Variants in FBXO10 observed in about 807,000 individuals in gnomAD.
The protein encoded by FBXO10 is F-box only protein 10.
A neutral mutation model predicts 80.7 loss-of-function variants in FBXO10; 39 were observed. The ratio of observed to expected loss-of-function variants is 0.48; its 90% CI spans 0.37 to 0.63. The LOEUF is 0.63. Among genes scored for constraint, FBXO10 ranks in the 30% least tolerant of loss-of-function variants. FBXO10 has a pLI of 0.00. For synonymous variants in FBXO10, 449 were observed against 489.6 expected (o/e 0.92, Z 1.09); for missense variants, 1,025 against 1,269.0 (o/e 0.81, Z 2.92).
intron 1 of FBXO10, among the ~76,000 whole-genome samples, chr9:37,553,441 T>C (rs1209130500): frequency 6.6e-6 from 1 of 152,182 alleles, no homozygotes; most frequent in Non-Finnish European, 1.5e-5. Flanking sequence ...AATTAAGCTA[T>C]CTTTGGCCCC....
chr9:37,551,460 C>T (rs1822196863), intron 1 of FBXO10, among the ~76,000 whole-genome samples: 1 of 152,246 alleles, frequency 6.6e-6, no homozygotes, highest in Non-Finnish European at 1.5e-5. Flanking sequence ...CTCCACAGCT[C>T]TTGTACTCTG....
At chr9:37,533,351 G>C (rs553023142) in intron 3 of FBXO10, among the ~76,000 whole-genome samples, 1 of 151,998 alleles carries the variant, frequency 6.6e-6, no homozygotes, top group East Asian at 1.9e-4. Context: ...TTTGAGACCA[G>C]CCTGGCCAAC....
chr9:37,531,925 G>A lies in FBXO10; in HGVS notation c.1553C>T (p.Ser518Phe). Residue 518 changes from serine (S) to phenylalanine (F), a missense_variant, in exon 4 of 11, where the codon TCC (serine) becomes TTC (phenylalanine). Physicochemically the swap from Ser to Phe is radical, Grantham distance 155. Around this residue, in one of 3 missense-constraint regions of FBXO10, gnomAD observed 478 missense variants for 667.8 expected, o/e 0.72. Coordinates refer to ENST00000432825, the MANE Select transcript of FBXO10 (RefSeq NM_012166.3). ...ACAAAGTACCAGTATGAGTGGGTTGGACTTTTTCCGGATGTCTACACCAGC... is the reference window on the plus strand; with the variant it reads ...ACAAAGTACCAGTATGAGTGGGTTGAACTTTTTCCGGATGTCTACACCAGC... ...AEAGVDIRKK[S>F]NPLILCNQIH... 6.2e-7 allele frequency: 1 copy of A among 1,613,856 alleles called. No individual in the cohort carries two copies. Among genetic ancestry groups the A allele is most frequent in the Non-Finnish European group, 8.5e-7 (1 of 1,179,806 alleles).
rs564742179 is a variant in FBXO10 at position 37,518,409 on chromosome 9, C to T, written c.2230G>A (p.Ala744Thr). The change falls in exon 9 of 11, where the codon GCA becomes ACA. Residue 744 changes from alanine (A) to threonine (T), a missense_variant. Physicochemically the swap from Ala to Thr is moderately conservative, Grantham distance 58. This residue lies in a region of FBXO10 where 478 missense variants were observed against 667.8 expected (regional missense o/e 0.72). Transcript: ENST00000432825. ...ASGLYVQSSE[A>T]LHVITNVIHA... ...ATCACATTGGTGATGACATGCAGTG[C>T]CTCGCTGCTCTGGACATAGAGTCCT... 3.7e-6 allele frequency: 6 copies of T among 1,608,710 alleles called. No homozygotes were observed. The East Asian group carries it at 1.3e-4, about 36-fold the overall frequency.
chr9:37,537,048 A>T (rs754025112), intron 3 of FBXO10, 62 bp downstream of exon 3: 1 of 1,326,196 alleles, frequency 7.5e-7, no homozygotes, highest in African/African-American at 1.5e-5. Context: ...AAATAGCCCC[A>T]TCAAACCCTT....
At chr9:37,561,392 G>C in intron 1 of FBXO10, among the ~76,000 whole-genome samples, 1 of 152,028 alleles carries the variant, frequency 6.6e-6, no homozygotes, top group East Asian at 1.9e-4. Context: ...CAGAGTTTCT[G>C]TGTAGCACTC....
At chr9:37,572,215 T>TA (rs1822777504) in intron 1 of FBXO10, among the ~76,000 whole-genome samples, 1 of 151,856 alleles carries the variant, frequency 6.6e-6, no homozygotes, top group Admixed American at 6.6e-5. Context: ...CACATGAAAA[T>TA]AGTTAAAATA....
intron 1 of FBXO10, among the ~76,000 whole-genome samples, chr9:37,571,320 A>T (rs970181835): frequency 1.1e-4 from 16 of 152,144 alleles, no homozygotes; most frequent in South Asian, 2.1e-4. Flanking sequence ...TCTTCCTCTT[A>T]TAAGTTTTCC....
intron 1 of FBXO10, among the ~76,000 whole-genome samples, chr9:37,548,138 G>A (rs1816570995): frequency 6.6e-6 from 1 of 152,184 alleles, no homozygotes; most frequent in Non-Finnish European, 1.5e-5. Flanking sequence ...TAATCCCAGT[G>A]CTTTGGGAGG....
At position 37,512,719 on chromosome 9, in the gene FBXO10, G is replaced by T; in HGVS notation, c.2699C>A (p.Ser900Tyr). The T allele has an allele frequency of 6.2e-7, 1 of 1,612,982 alleles. No homozygotes were observed. Among genetic ancestry groups the T allele is most frequent in the Non-Finnish European group, 8.5e-7 (1 of 1,179,246 alleles). The change falls in exon 11 of 11, where the codon TCT (serine) becomes TAT (tyrosine). Residue 900 changes from serine (S) to tyrosine (Y), a missense_variant and splice_region_variant. Around this residue, in one of 3 missense-constraint regions of FBXO10, gnomAD observed 97 missense variants for 101.8 expected, o/e 0.95. Transcript: ENST00000432825. ...TGGGTTCACCAGGCGCCACGTATCAGACCTGGAGGTGCAAAACGAAAGTCA... is the reference window on the plus strand; with the variant it reads ...TGGGTTCACCAGGCGCCACGTATCATACCTGGAGGTGCAAAACGAAAGTCA... ...NNKFLVFKKK[S>Y]DTWRLVNPPA...
chr9:37,575,614 G>C lies in FBXO10; in HGVS notation c.-7+597C>G, dbSNP rs532056942. On this transcript the variant is annotated intron_variant, in intron 1 of 10. Transcript: ENST00000432825. ...TCTGAACCAGAGCTAACTGACTCCAGAGTTCTGGCTCCTCAAATGACTTTC... is the reference window on the plus strand; with the variant it reads ...TCTGAACCAGAGCTAACTGACTCCACAGTTCTGGCTCCTCAAATGACTTTC... 1.8e-4 allele frequency: 27 copies of C among 152,356 alleles called. 1 individual carries two copies. The highest frequency in any genetic ancestry group is 5.3e-4 in the African/African-American group (22 of 41,582). The allele number at this position is 152,356 out of a possible 1,614,324, so 9.4% of individuals were successfully genotyped here.
intron 1 of FBXO10, 76 bp downstream of exon 1, chr9:37,576,135 C>G (rs1822889629): frequency 6.6e-6 from 1 of 152,330 alleles, no homozygotes. Context: ...CTGGGTCGGT[C>G]GCCTGGGGAA....
chr9:37,512,494 C>T lies in FBXO10; in HGVS notation c.*53G>A, dbSNP rs953702924. 1.3e-6 allele frequency: 2 copies of T among 1,573,592 alleles called. No homozygotes were observed. Among genetic ancestry groups the T allele is most frequent in the Non-Finnish European group, 1.7e-6 (2 of 1,155,294 alleles). The stretch of plus-strand genomic sequence containing the variant: ...GAGTCTTTTCAGGCAGTATTTCCAC[C>T]TTAGCTCCTCTGAGCACCCATCCAG... On this transcript the variant is annotated 3_prime_UTR_variant, in exon 11 of 11. Transcript: ENST00000432825.
chr9:37,565,267 T>C (rs1216479286), intron 1 of FBXO10, among the ~76,000 whole-genome samples: 1 of 152,228 alleles, frequency 6.6e-6, no homozygotes, highest in Non-Finnish European at 1.5e-5. Flanking sequence ...TAGTCTCAGA[T>C]ATTTCTTCAT....
At chr9:37,543,437 T>C (rs1309650997) in intron 1 of FBXO10, among the ~76,000 whole-genome samples, 1 of 152,130 alleles carries the variant, frequency 6.6e-6, no homozygotes, top group Non-Finnish European at 1.5e-5. Context: ...GAGTGGCCCC[T>C]TTTCTAAGCT....
chr9:37,521,297 G>T (rs1821339113), intron 8 of FBXO10, among the ~76,000 whole-genome samples: 1 of 148,198 alleles, frequency 6.7e-6, no homozygotes, highest in African/African-American at 2.6e-5. Context: ...CCTCTCCCTG[G>T]CCCCCACGCT....
intron 1 of FBXO10, among the ~76,000 whole-genome samples, chr9:37,562,699 C>T (rs1822509888): frequency 6.6e-6 from 1 of 152,106 alleles, no homozygotes; most frequent in Non-Finnish European, 1.5e-5. Context: ...GCTGAGACTA[C>T]TCAAATCATT....
intron 10 of FBXO10, chr9:37,514,890 A>AT (rs1006951939): frequency 3.9e-5 from 6 of 152,022 alleles, no homozygotes; most frequent in African/African-American, 1.2e-4. Flanking sequence ...TTCAAAGAAT[A>AT]TTTTTTCCCG....
Position 37,512,693 on chromosome 9 carries a change from G to A in FBXO10, c.2725C>T (p.Pro909Ser), listed in dbSNP as rs1821091654. The change falls in exon 11 of 11, where the codon CCA becomes TCA. Residue 909 changes from proline to serine, a missense_variant. Pro to Ser is a moderately conservative substitution (Grantham distance 74). Coordinates refer to ENST00000432825, the MANE Select transcript of FBXO10 (RefSeq NM_012166.3). The stretch of plus-strand genomic sequence containing the variant: ...GAATTTTCAAGGTGGGGCCGTGCTG[G>A]TGGGTTCACCAGGCGCCACGTATCA... ...KSDTWRLVNP[P>S]ARPHLENSLR... 1 of 1,613,882 alleles carries A rather than the reference G, an allele frequency of 6.2e-7. No individual in the cohort carries two copies. The highest frequency in any genetic ancestry group is 1.3e-5 in the African/African-American group (1 of 74,932).
Sources: gnomAD v4.1 joint callset for allele counts (sites outside exome capture counted in the v4.1 genomes callset) on GRCh38, gnomAD v4.1.1 for gene constraint, gnomAD v4.1.1 regional missense constraint, MANE v1.5 for transcripts, NCBI Gene and HGNC (gene_info 2026-07-23, HGNC 2026-07-21) for gene names.